ANO10: variants seen among roughly 807,000 people sequenced by gnomAD.
ANO10 encodes anoctamin-10.
A neutral mutation model predicts 74.7 loss-of-function variants in ANO10; 77 were observed. The observed-to-expected ratio is 1.03, with a 90% CI of 0.86 to 1.25. The LOEUF is 1.25. Ranked by LOEUF, ANO10 falls within the 50% of genes most tolerant of loss-of-function variation. The pLI is 0.00. For synonymous variants in ANO10, 279 were observed against 284.9 expected (o/e 0.98, Z 0.21); for missense variants, 721 against 778.1 (o/e 0.93, Z 0.87).
At chr3:43,537,375 C>A (rs1053220972) in intron 11 of ANO10, among the ~76,000 whole-genome samples, 5 of 152,126 alleles carry the variant, frequency 3.3e-5, no homozygotes, top group African/African-American at 1.2e-4. Flanking sequence ...CACCAGTGAC[C>A]ACATCACAGG....
intron 1 of ANO10, among the ~76,000 whole-genome samples, chr3:43,677,680 C>T (rs890289245): frequency 8.5e-5 from 13 of 152,318 alleles, no homozygotes; most frequent in African/African-American, 3.1e-4. Flanking sequence ...GCTGGGAATT[C>T]AAAGCCTTCA....
At chr3:43,500,056 G>C (rs1386669059) in intron 11 of ANO10, among the ~76,000 whole-genome samples, 1 of 151,708 alleles carries the variant, frequency 6.6e-6, no homozygotes, top group Non-Finnish European at 1.5e-5. Context: ...CATGTTGGCC[G>C]GGCTGCTCTT....
intron 11 of ANO10, among the ~76,000 whole-genome samples, chr3:43,540,543 CA>C (rs1459101525): frequency 2.0e-5 from 3 of 152,180 alleles, no homozygotes; most frequent in African/African-American, 7.2e-5. Flanking sequence ...TCTATTTTAG[CA>C]CACACTTTTC....
chr3:43,629,186 G>A (rs2083521994), intron 1 of ANO10, among the ~76,000 whole-genome samples: 1 of 152,056 alleles, frequency 6.6e-6, no homozygotes, highest in African/African-American at 2.4e-5. Context: ...CAATGCTTAG[G>A]GAAAATAGAA....
intron 7 of ANO10, among the ~76,000 whole-genome samples, chr3:43,574,388 A>T (rs186325266): frequency 9.2e-5 from 14 of 151,414 alleles, no homozygotes; most frequent in African/African-American, 3.4e-4. Context: ...CTCCTGCCTC[A>T]GCTTCCCAAG....
intron 1 of ANO10, among the ~76,000 whole-genome samples, chr3:43,680,792 G>T (rs1478575277): frequency 5.3e-5 from 8 of 151,620 alleles, no homozygotes; most frequent in Non-Finnish European, 7.4e-5. Context: ...ATTCTTAAAA[G>T]AATTTTCAAC....
chr3:43,469,855 G>A (rs1007503460), intron 11 of ANO10, among the ~76,000 whole-genome samples: 1 of 152,292 alleles, frequency 6.6e-6, no homozygotes, highest in South Asian at 2.1e-4. Context: ...TTCTTAGATA[G>A]ACAGGAAGCT....
In ANO10 at chr3:43,557,760, G is replaced by A. The variant is rs371529161; in HGVS notation, c.1477-2291C>T. Reference sequence around the variant, plus strand: ...AAAAAAAAAAAAAAAAAAAAAAGACGTTTTGTTTATGTGAGTTTATCTAGT... The same window carrying A: ...AAAAAAAAAAAAAAAAAAAAAAGACATTTTGTTTATGTGAGTTTATCTAGT... On this transcript the variant is annotated intron_variant, in intron 9 of 12. Transcript: ENST00000292246. Among the ~76,000 whole-genome samples, 31 of 146,074 alleles carry A rather than the reference G, an allele frequency of 2.1e-4. No individual in the cohort carries two copies. The East Asian group carries it at 2.8e-3, about 13-fold the overall frequency.
chr3:43,555,577 A>G (rs560468868), intron 9 of ANO10, 108 bp from the exon 10 acceptor site: 3 of 1,121,484 alleles, frequency 2.7e-6, no homozygotes, highest in Non-Finnish European at 3.9e-6. Flanking sequence ...AACCTCAAAG[A>G]GTTTCCCCAC....
rs375686020 is a variant in ANO10 at position 43,399,886 on chromosome 3, C to G, written c.1914+32725G>C. Among the ~76,000 whole-genome samples, 89 of 152,188 alleles carry G rather than the reference C, an allele frequency of 5.8e-4. 1 individual carries two copies. The South Asian group carries it at 0.017, about 29-fold the overall frequency. Reference sequence around the variant, plus strand: ...GAGATCCCTCATAGTTCCAAAGCTCCTTCCCTAAGCTCCCACCCCAATTTT... The same window carrying G: ...GAGATCCCTCATAGTTCCAAAGCTCGTTCCCTAAGCTCCCACCCCAATTTT... On this transcript the variant is annotated intron_variant, in intron 12 of 12. Coordinates refer to ENST00000292246, the MANE Select transcript of ANO10 (RefSeq NM_018075.5).
chr3:43,582,814 G>A (rs1055590636), intron 4 of ANO10, among the ~76,000 whole-genome samples: 3 of 152,102 alleles, frequency 2.0e-5, no homozygotes, highest in Non-Finnish European at 4.4e-5. Flanking sequence ...TGGTACTGTC[G>A]AATCCATTTT....
chr3:43,518,462 T>C (rs1432400195), intron 11 of ANO10, among the ~76,000 whole-genome samples: 1 of 152,134 alleles, frequency 6.6e-6, no homozygotes, highest in Non-Finnish European at 1.5e-5. Flanking sequence ...CAATATGAAA[T>C]CTGGGCATCC....
chr3:43,534,207 G>A (rs2078598133), intron 11 of ANO10, among the ~76,000 whole-genome samples: 1 of 152,162 alleles, frequency 6.6e-6, no homozygotes, highest in Admixed American at 6.5e-5. Flanking sequence ...TTTCTAGTTT[G>A]CACATGCTGT....
At chr3:43,629,897 C>G (rs1275904413) in intron 1 of ANO10, among the ~76,000 whole-genome samples, 3 of 152,128 alleles carry the variant, frequency 2.0e-5, no homozygotes, top group Admixed American at 2.0e-4. Context: ...AAGTTATCAA[C>G]AGAAAATGAT....
intron 12 of ANO10, among the ~76,000 whole-genome samples, chr3:43,396,910 ATTT>A (rs969175532): frequency 6.7e-6 from 1 of 148,778 alleles, no homozygotes; most frequent in African/African-American, 2.5e-5. Context: ...CATCCAGTGT[ATTT>A]TTTTGTCTCA....
intron 11 of ANO10, among the ~76,000 whole-genome samples, chr3:43,436,664 G>C (rs1394811129): frequency 2.0e-5 from 3 of 152,298 alleles, no homozygotes; most frequent in Middle Eastern, 6.8e-3. Context: ...TCCAGTGCCA[G>C]CAGTAAAGTA....
intron 12 of ANO10, chr3:43,372,636 T>C: frequency 2.0e-6 from 1 of 510,610 alleles, no homozygotes; most frequent in Non-Finnish European, 3.5e-6. Flanking sequence ...CACCATCCCA[T>C]CCCTCTATTT....
chr3:43,390,346 A>T lies in ANO10; in HGVS notation c.1915-23372T>A, dbSNP rs9869525. On this transcript the variant is annotated intron_variant, in intron 12 of 12. Transcript: ENST00000292246. ...GAGCCACTGCACAGGCTGTGCAGGC[A>T]GCTCTGGGAAAATCACAGATGCCTC... 9.5e-4 allele frequency among the ~76,000 whole-genome samples: 145 copies of T among 152,346 alleles called. 1 individual carries two copies. The highest frequency in any genetic ancestry group is 3.5e-3 in the African/African-American group (144 of 41,580).
intron 1 of ANO10, among the ~76,000 whole-genome samples, chr3:43,639,727 GAT>G (rs920482719): frequency 9.9e-5 from 15 of 150,770 alleles, no homozygotes; most frequent in Non-Finnish European, 1.9e-4. Context: ...AGTGAGCTGA[GAT>G]CGCACCACAG....
Sources: gnomAD v4.1 joint callset for allele counts (sites outside exome capture counted in the v4.1 genomes callset) on GRCh38, gnomAD v4.1.1 for gene constraint, MANE v1.5 for transcripts, NCBI Gene and HGNC (gene_info 2026-07-23, HGNC 2026-07-21) for gene names.